FAM163A: variants seen among roughly 807,000 people sequenced by gnomAD.
The protein encoded by FAM163A is protein FAM163A.
In FAM163A, 7 loss-of-function variants were observed where a neutral mutation model predicts 12.0. That is an observed-to-expected ratio of 0.58 (90% confidence interval 0.33 to 1.10). The LOEUF (loss-of-function observed/expected upper bound fraction) is 1.10. FAM163A is among the 50% of genes least tolerant of loss of function. The pLI, the probability that FAM163A is intolerant of heterozygous loss-of-function variation, is 0.03. For missense variants in FAM163A, 202 were observed against 218.6 expected (o/e 0.92, Z 0.48); for synonymous variants, 101 against 91.0 (o/e 1.11, Z -0.62).
intron 1 of FAM163A, among the ~76,000 whole-genome samples, chr1:179,769,900 CTT>C (rs1196869449): frequency 0.025 from 2,424 of 96,542 alleles, 10 homozygotes; most frequent in African/African-American, 0.07. Flanking sequence ...ATCCCTAATT[CTT>C]TTTTTTTTTT....
At chr1:179,738,112 G>A in the FAM163A span, among the ~76,000 whole-genome samples, 896 of 152,232 alleles carry the variant, frequency 5.9e-3, 9 homozygotes, top group African/African-American at 0.021. Context: ...AAGGGGAATA[G>A]GGAGAGGGGA....
intron 1 of FAM163A, among the ~76,000 whole-genome samples, chr1:179,755,393 C>T (rs1571329527): frequency 6.6e-6 from 1 of 152,206 alleles, no homozygotes; most frequent in East Asian, 1.9e-4. Flanking sequence ...AAAGGAAAAG[C>T]CACTGGCATT....
intron 1 of FAM163A, among the ~76,000 whole-genome samples, chr1:179,748,938 G>A (rs749572360): frequency 1.3e-5 from 2 of 152,138 alleles, no homozygotes; most frequent in East Asian, 1.9e-4. Flanking sequence ...AACATGAAAC[G>A]TTTATATCCC....
At chr1:179,742,911 G>A (rs1293542878), upstream of FAM163A, among the ~76,000 whole-genome samples, 1 of 152,154 alleles carries the variant, frequency 6.6e-6, no homozygotes, top group South Asian at 2.1e-4. Flanking sequence ...GAACACAGAG[G>A]AGCCCTTCGG....
chr1:179,736,640 T>A, the FAM163A span, among the ~76,000 whole-genome samples: 1 of 151,920 alleles, frequency 6.6e-6, no homozygotes, highest in Non-Finnish European at 1.5e-5. Flanking sequence ...AAACCCCATC[T>A]CTACTAAAAA....
At chr1:179,798,374 CG>C (rs1333560657) in intron 1 of FAM163A, among the ~76,000 whole-genome samples, 2 of 152,370 alleles carry the variant, frequency 1.3e-5, no homozygotes, top group Admixed American at 6.5e-5. Flanking sequence ...GTGTCTCACA[CG>C]GGGCTTGCCC....
chr1:179,779,409 C>A (rs1444591528), intron 1 of FAM163A, among the ~76,000 whole-genome samples: 1 of 152,148 alleles, frequency 6.6e-6, no homozygotes, highest in Non-Finnish European at 1.5e-5. Context: ...GGAAGAGCCT[C>A]CCTGGCCCCT....
intron 1 of FAM163A, among the ~76,000 whole-genome samples, chr1:179,749,824 G>A (rs1011137762): frequency 5.3e-5 from 8 of 152,164 alleles, no homozygotes; most frequent in East Asian, 3.9e-4. Context: ...ATGCCACTGC[G>A]CTCCAGCCTG....
At position 179,745,921 on chromosome 1, in the gene FAM163A, G is replaced by A. The variant is rs10158144; in HGVS notation, c.-136+2498G>A. ...TGGTAGCTGGAAATCCAGAATTGTC[G>A]TGAATAAAGACTCTTACTTGTAGAT... is the stretch of plus-strand genomic sequence containing the variant. On this transcript the variant is annotated intron_variant, in intron 1 of 4. Transcript: ENST00000341785. 5.4e-3 allele frequency among the ~76,000 whole-genome samples: 819 copies of A among 152,200 alleles called. 6 individuals are homozygous for A. The highest frequency in any genetic ancestry group is 0.018 in the African/African-American group (758 of 41,536).
At chr1:179,793,921 T>C (rs1691891563) in intron 1 of FAM163A, among the ~76,000 whole-genome samples, 1 of 152,162 alleles carries the variant, frequency 6.6e-6, no homozygotes, top group African/African-American at 2.4e-5. Flanking sequence ...GGGACATTAT[T>C]TGTGTTATTG....
At chr1:179,796,396 A>G (rs1213981836) in intron 1 of FAM163A, among the ~76,000 whole-genome samples, 1 of 152,236 alleles carries the variant, frequency 6.6e-6, no homozygotes, top group Non-Finnish European at 1.5e-5. Context: ...CTGATGTCAC[A>G]TATTTTGAAA....
chr1:179,784,300 G>A (rs1690279766), intron 1 of FAM163A, among the ~76,000 whole-genome samples: 1 of 152,240 alleles, frequency 6.6e-6, no homozygotes, highest in Admixed American at 6.5e-5. Context: ...GAGCAGTGGT[G>A]GAGGAGGTAA....
intron 1 of FAM163A, among the ~76,000 whole-genome samples, chr1:179,748,851 T>C (rs1435429767): frequency 6.6e-6 from 1 of 152,208 alleles, no homozygotes; most frequent in African/African-American, 2.4e-5. Flanking sequence ...ATACAGAGTG[T>C]TTTAAAAAGC....
At chr1:179,812,600 G>C (rs142706561) in intron 3 of FAM163A, among the ~76,000 whole-genome samples, 156 of 152,334 alleles carry the variant, frequency 1.0e-3, no homozygotes, top group South Asian at 7.2e-3. Context: ...AACGGGCTGG[G>C]TGGAATCGCA....
chr1:179,736,214 G>T, the FAM163A span, among the ~76,000 whole-genome samples: 2 of 151,810 alleles, frequency 1.3e-5, no homozygotes, highest in Non-Finnish European at 2.9e-5. Flanking sequence ...TCTACACAGC[G>T]AAGAAAACAA....
At chr1:179,740,617 TATATTG>T (rs774436505), upstream of FAM163A, among the ~76,000 whole-genome samples, 7 of 152,178 alleles carry the variant, frequency 4.6e-5, no homozygotes, top group Non-Finnish European at 1.0e-4. Flanking sequence ...AAAGGTTACA[TATATTG>T]ATACGAAAGG....
chr1:179,776,176 G>A (rs982280037), intron 1 of FAM163A, among the ~76,000 whole-genome samples: 3 of 152,070 alleles, frequency 2.0e-5, no homozygotes, highest in Non-Finnish European at 4.4e-5. Context: ...AGTGTAAATC[G>A]TGGCCAGGAA....
chr1:179,769,716 A>G (rs1687998013), intron 1 of FAM163A, among the ~76,000 whole-genome samples: 3 of 152,140 alleles, frequency 2.0e-5, no homozygotes, highest in African/African-American at 4.8e-5. Context: ...AGCTTTGTCC[A>G]TGGAGCAGGC....
In FAM163A at chr1:179,807,602, C is replaced by T. The variant is rs184591964; in HGVS notation, c.-135-196C>T. On this transcript the variant is annotated intron_variant, in intron 1 of 4. Coordinates refer to ENST00000341785, the MANE Select transcript of FAM163A (RefSeq NM_173509.3). ...GAGACAAAGCTGGGATAGGTGTAAC[C>T]TTACAGGTCTGTCCTCAGGTTCTTA... 4.5e-4 allele frequency among the ~76,000 whole-genome samples: 68 copies of T among 152,338 alleles called. No homozygotes were observed. In the Middle Eastern group the frequency reaches 0.014, roughly 30 times the overall value.
Sources: allele counts gnomAD v4.1 joint callset (sites outside exome capture counted in the v4.1 genomes callset), GRCh38; gene constraint gnomAD v4.1.1; transcripts MANE v1.5; gene names NCBI Gene and HGNC (gene_info 2026-07-23, HGNC 2026-07-21).